Variants in MCTP1 observed in about 807,000 individuals in gnomAD.
MCTP1 encodes multiple C2 and transmembrane domain containing 1.
A neutral mutation model predicts 120.6 loss-of-function variants in MCTP1; 69 were observed. That is an observed-to-expected ratio of 0.57 (90% confidence interval 0.47 to 0.70). The LOEUF (loss-of-function observed/expected upper bound fraction) is 0.70. Ranked by LOEUF, MCTP1 falls within the 30% of genes least tolerant of loss-of-function variation. The pLI is 0.00. For synonymous variants in MCTP1, 529 were observed against 493.1 expected (o/e 1.07, Z -0.96); for missense variants, 1,203 against 1,248.8 (o/e 0.96, Z 0.55).
At chr5:94,851,962 T>A (rs776405200) in intron 17 of MCTP1, among the ~76,000 whole-genome samples, 1 of 151,924 alleles carries the variant, frequency 6.6e-6, no homozygotes, top group African/African-American at 2.4e-5. Flanking sequence ...ATTGTACATA[T>A]CATAATATAA....
chr5:95,260,592 T>A (rs1410797726), intron 1 of MCTP1, among the ~76,000 whole-genome samples: 1 of 152,150 alleles, frequency 6.6e-6, no homozygotes, highest in South Asian at 2.1e-4. Context: ...TATATATGTA[T>A]ACACATATAT....
intron 1 of MCTP1, among the ~76,000 whole-genome samples, chr5:95,054,781 CA>C (rs1426327262): frequency 2.1e-4 from 30 of 141,688 alleles, no homozygotes; most frequent in Non-Finnish European, 3.0e-4. Context: ...TATGAATCCA[CA>C]GTGTTTTTTG....
At chr5:94,749,582 G>C (rs929602273) in intron 19 of MCTP1, among the ~76,000 whole-genome samples, 8 of 142,542 alleles carry the variant, frequency 5.6e-5, no homozygotes, top group African/African-American at 2.1e-4. Context: ...TTGAACCTGG[G>C]AAGTGGAGGT....
chr5:95,246,384 A>G (rs933229052), intron 1 of MCTP1, among the ~76,000 whole-genome samples: 3 of 152,062 alleles, frequency 2.0e-5, no homozygotes, highest in Admixed American at 6.6e-5. Flanking sequence ...TAAACTGGTA[A>G]ATAGGATAAA....
chr5:95,033,607 C>T (rs1320824683), intron 1 of MCTP1, among the ~76,000 whole-genome samples: 1 of 151,954 alleles, frequency 6.6e-6, no homozygotes, highest in Non-Finnish European at 1.5e-5. Flanking sequence ...TATGACAAAC[C>T]CATAGCTAAC....
intron 10 of MCTP1, among the ~76,000 whole-genome samples, chr5:94,906,854 C>T (rs937674067): frequency 6.6e-6 from 1 of 152,170 alleles, no homozygotes; most frequent in African/African-American, 2.4e-5. Flanking sequence ...AACTTACTCA[C>T]AAGCCTCCAG....
At chr5:94,921,545 C>T (rs1811668984) in intron 7 of MCTP1, among the ~76,000 whole-genome samples, 1 of 152,212 alleles carries the variant, frequency 6.6e-6, no homozygotes, top group South Asian at 2.1e-4. Context: ...TCTACTTAGA[C>T]ATTTTGCATA....
chr5:95,210,394 C>T (rs1752201675), intron 1 of MCTP1, among the ~76,000 whole-genome samples: 1 of 150,562 alleles, frequency 6.6e-6, no homozygotes, highest in Non-Finnish European at 1.5e-5. Flanking sequence ...ATAGTTAGCT[C>T]TTCTTGTTGA....
chr5:94,983,089 G>GA (rs1464982244), intron 2 of MCTP1, among the ~76,000 whole-genome samples: 1 of 151,978 alleles, frequency 6.6e-6, no homozygotes, highest in Non-Finnish European at 1.5e-5. Context: ...CCTAGAAGGT[G>GA]AAAGCAACTC....
intron 7 of MCTP1, among the ~76,000 whole-genome samples, chr5:94,920,414 G>C (rs933515511): frequency 3.9e-5 from 6 of 151,994 alleles, no homozygotes; most frequent in African/African-American, 1.4e-4. Context: ...TAGCGTGTAA[G>C]TGCTTCAGCA....
intron 20 of MCTP1, among the ~76,000 whole-genome samples, chr5:94,712,936 T>TA (rs1757610872): frequency 6.6e-6 from 1 of 151,906 alleles, no homozygotes; most frequent in Non-Finnish European, 1.5e-5. Context: ...TTACTCCTAT[T>TA]GGAAGGATAA....
chr5:95,198,839 A>G (rs956703656), intron 1 of MCTP1, among the ~76,000 whole-genome samples: 6 of 152,200 alleles, frequency 3.9e-5, no homozygotes, highest in Admixed American at 6.5e-5. Flanking sequence ...TATTATACTT[A>G]AAGTTTCTAA....
intron 1 of MCTP1, among the ~76,000 whole-genome samples, chr5:95,044,468 G>A (rs1430832682): frequency 1.2e-4 from 19 of 152,134 alleles, no homozygotes; most frequent in Non-Finnish European, 5.9e-5. Context: ...CTTAGCCCCT[G>A]TAGATCAATT....
chr5:94,867,161 TATTTATTA>T, intron 17 of MCTP1: 1 of 1,284,888 alleles, frequency 7.8e-7, no homozygotes, highest in Non-Finnish European at 1.0e-6. Context: ...TACCACCATA[TATTTATTA>T]TAAGAAAGAG....
intron 1 of MCTP1, among the ~76,000 whole-genome samples, chr5:95,187,595 T>C (rs1434775296): frequency 1.3e-5 from 2 of 152,050 alleles, no homozygotes; most frequent in Non-Finnish European, 2.9e-5. Flanking sequence ...AGAGATAGGG[T>C]TTCACCATGT....
intron 1 of MCTP1, among the ~76,000 whole-genome samples, chr5:95,270,710 A>G (rs370071113): frequency 6.6e-6 from 1 of 152,142 alleles, no homozygotes; most frequent in East Asian, 1.9e-4. Flanking sequence ...TGGGTGGATC[A>G]CTTGAGGTCA....
At chr5:95,019,103 T>C (rs1394772734) in intron 1 of MCTP1, among the ~76,000 whole-genome samples, 1 of 152,102 alleles carries the variant, frequency 6.6e-6, no homozygotes, top group Non-Finnish European at 1.5e-5. Flanking sequence ...TTCTAGTCAA[T>C]ACATACAGAT....
At chr5:95,220,857 A>C (rs1222624109) in intron 1 of MCTP1, among the ~76,000 whole-genome samples, 1 of 152,226 alleles carries the variant, frequency 6.6e-6, no homozygotes, top group African/African-American at 2.4e-5. Flanking sequence ...CATGTAAATA[A>C]AGCATTATTG....
intron 18 of MCTP1, among the ~76,000 whole-genome samples, chr5:94,791,500 T>TACACACACAC (rs1215532713): frequency 0.63 from 93,489 of 148,954 alleles, 30,735 homozygotes; most frequent in Middle Eastern, 0.79. Flanking sequence ...GTTTCTAAAA[T>TACACACACAC]ACACACACAC....
Sources: allele counts gnomAD v4.1 joint callset (sites outside exome capture counted in the v4.1 genomes callset), GRCh38; gene constraint gnomAD v4.1.1; transcripts MANE v1.5; gene names NCBI Gene and HGNC (gene_info 2026-07-23, HGNC 2026-07-21).